PLCB4: variants seen among roughly 807,000 people sequenced by gnomAD.
The protein encoded by PLCB4 is phospholipase C beta 4.
A neutral mutation model predicts 178.8 loss-of-function variants in PLCB4; 77 were observed. The ratio of observed to expected loss-of-function variants is 0.43; its 90% CI spans 0.36 to 0.52. The LOEUF (loss-of-function observed/expected upper bound fraction) is 0.52, where lower values mean the gene tolerates loss of function less well. PLCB4 is among the 20% of genes least tolerant of loss of function. The pLI is 0.00. For synonymous variants in PLCB4, 496 were observed against 490.8 expected, an observed-to-expected ratio of 1.01 and a Z score of -0.14; for missense variants, 1,024 against 1,453.4, an observed-to-expected ratio of 0.70 and a Z score of 4.80.
chr20:9,081,277 A>G (rs1304741600), intron 1 of PLCB4, among the ~76,000 whole-genome samples: 3 of 152,232 alleles, frequency 2.0e-5, no homozygotes. Flanking sequence ...TACCTCTAAG[A>G]TACTTCAACA....
In PLCB4 at chr20:9,385,680, G is replaced by A. The variant is rs182541306; in HGVS notation, c.1064+1269G>A. On this transcript the variant is annotated intron_variant, in intron 14 of 39. Transcript: ENST00000378473. Reference sequence around the variant, plus strand: ...GATGGGGTGGTGGCCGGGCAGAGGCGCTCCTCACCTCCCAGACGGGGCAGC... The same window carrying A: ...GATGGGGTGGTGGCCGGGCAGAGGCACTCCTCACCTCCCAGACGGGGCAGC... Among the ~76,000 whole-genome samples, 373 of 143,842 alleles carry A rather than the reference G, an allele frequency of 2.6e-3. 2 individuals carry two copies. Among genetic ancestry groups the A allele is most frequent in the Middle Eastern group, 0.012 (3 of 250 alleles). 94.4% of individuals were successfully genotyped at this position (143,842 alleles called of 152,430 possible). A position where few individuals can be genotyped will look rare whatever the true frequency, so the allele number is the denominator to read the frequency against.
chr20:9,167,600 T>C (rs922953890), intron 2 of PLCB4, among the ~76,000 whole-genome samples: 2 of 152,212 alleles, frequency 1.3e-5, no homozygotes, highest in Non-Finnish European at 2.9e-5. Context: ...AATTCCTTTC[T>C]GAAATCAGAG....
At chr20:9,087,772 A>AT (rs2090500381) in intron 1 of PLCB4, among the ~76,000 whole-genome samples, 2 of 152,236 alleles carry the variant, frequency 1.3e-5, no homozygotes, top group African/African-American at 2.4e-5. Flanking sequence ...ACCCTGATGG[A>AT]TTTTTTGGAG....
intron 32 of PLCB4, among the ~76,000 whole-genome samples, chr20:9,445,755 ATGT>A (rs1257827621): frequency 2.0e-5 from 3 of 152,240 alleles, no homozygotes; most frequent in Non-Finnish European, 4.4e-5. Context: ...AGGGGCTTCA[ATGT>A]TGTTGGTTAT....
intron 3 of PLCB4, among the ~76,000 whole-genome samples, chr20:9,228,190 A>G (rs2093889922): frequency 6.6e-6 from 1 of 152,226 alleles, no homozygotes; most frequent in South Asian, 2.1e-4. Context: ...TGATTTATGC[A>G]TATGTTTGCC....
rs768599791 is a variant in PLCB4 at position 9,423,904 on chromosome 20, A to G, written c.2476A>G (p.Ile826Val). Reference protein sequence around the residue: ...EGNKPLSLPTIFCNIVLKTYV... With the variant: ...EGNKPLSLPTVFCNIVLKTYV... ...AAATAAACCATTATCACTACCAACA[A>G]TTTTCTGCAATATTGTTCTTAAAAC... Residue 826 changes from isoleucine (I) to valine (V), a missense_variant, in exon 28 of 40, where the codon ATT becomes GTT. Around this residue, in one of 7 missense-constraint regions of PLCB4, gnomAD observed 227 missense variants for 374.3 expected, o/e 0.61. Transcript: ENST00000378473. 2.5e-6 allele frequency: 4 copies of G among 1,613,410 alleles called. No homozygotes were observed. Among genetic ancestry groups the G allele is most frequent in the Non-Finnish European group, 3.4e-6 (4 of 1,179,430 alleles).
intron 4 of PLCB4, among the ~76,000 whole-genome samples, chr20:9,332,301 G>C (rs549338743): frequency 7.2e-5 from 11 of 152,284 alleles, no homozygotes; most frequent in Non-Finnish European, 1.5e-4. Context: ...TTCAGGTCAG[G>C]AGGGATTCAT....
chr20:9,150,601 C>T lies in PLCB4; in HGVS notation c.-79+54259C>T, dbSNP rs150667002. Among the ~76,000 whole-genome samples, 920 of 152,206 alleles carry T rather than the reference C, an allele frequency of 6.0e-3. 9 individuals are homozygous for T. Among genetic ancestry groups the T allele is most frequent in the African/African-American group, 0.021 (883 of 41,538 alleles). On this transcript the variant is annotated intron_variant, in intron 2 of 39. Coordinates refer to ENST00000378473, the MANE Select transcript of PLCB4 (RefSeq NM_001377142.1). ...TGTAGCCATGGTGCTAAACATGCAT[C>T]GTCTCGTCAGTTCTCAGGATGACTC...
At chr20:9,297,157 ACCC>A (rs140669435) in intron 3 of PLCB4, among the ~76,000 whole-genome samples, 1 of 149,602 alleles carries the variant, frequency 6.7e-6, no homozygotes, top group Non-Finnish European at 1.5e-5. Flanking sequence ...TATAGCCCGC[ACCC>A]CCCCCCACAC....
At chr20:9,193,810 G>C (rs766417452) in intron 2 of PLCB4, among the ~76,000 whole-genome samples, 2 of 152,144 alleles carry the variant, frequency 1.3e-5, no homozygotes, top group African/African-American at 2.4e-5. Context: ...AACTTTCAGA[G>C]AGTATTTGGC....
intron 7 of PLCB4, among the ~76,000 whole-genome samples, chr20:9,349,882 A>G (rs1261991691): frequency 6.6e-6 from 1 of 152,226 alleles, no homozygotes; most frequent in Non-Finnish European, 1.5e-5. Flanking sequence ...AACATAATGT[A>G]TGCTGACATG....
chr20:9,240,680 C>T (rs1420253292), intron 3 of PLCB4, among the ~76,000 whole-genome samples: 1 of 152,190 alleles, frequency 6.6e-6, no homozygotes, highest in Admixed American at 6.5e-5. Flanking sequence ...TCTGATTGCA[C>T]ATTTGTCCTT....
chr20:9,208,062 AATGC>A (rs2147225054), intron 2 of PLCB4, among the ~76,000 whole-genome samples: 1 of 152,340 alleles, frequency 6.6e-6, no homozygotes, highest in East Asian at 1.9e-4. Flanking sequence ...GTCTGAGTGC[AATGC>A]ATGTGTGCTT....
At chr20:9,129,397 C>G (rs968787152) in intron 2 of PLCB4, among the ~76,000 whole-genome samples, 4 of 152,076 alleles carry the variant, frequency 2.6e-5, no homozygotes, top group African/African-American at 9.7e-5. Context: ...GGGATCAGAC[C>G]GCAGTTACCC....
intron 30 of PLCB4, among the ~76,000 whole-genome samples, chr20:9,437,360 T>C (rs2041840170): frequency 6.6e-6 from 1 of 152,212 alleles, no homozygotes; most frequent in Non-Finnish European, 1.5e-5. Flanking sequence ...TGAACCAACA[T>C]AGTTATTCCT....
intron 2 of PLCB4, among the ~76,000 whole-genome samples, chr20:9,141,223 C>A (rs1438075275): frequency 6.6e-5 from 10 of 152,148 alleles, no homozygotes; most frequent in African/African-American, 2.4e-4. Flanking sequence ...GCCAGAACTA[C>A]TCATTCCATT....
intron 39 of PLCB4, among the ~76,000 whole-genome samples, chr20:9,477,397 T>C (rs6077545): frequency 0.1 from 15,694 of 152,198 alleles, 1,025 homozygotes; most frequent in East Asian, 0.3. Context: ...CCAACTCATA[T>C]AAGAACTTAG....
At chr20:9,455,116 A>G (rs1481814934) in intron 33 of PLCB4, among the ~76,000 whole-genome samples, 2 of 152,196 alleles carry the variant, frequency 1.3e-5, no homozygotes, top group Non-Finnish European at 2.9e-5. Flanking sequence ...TTAATTTCTC[A>G]TATTTAATGA....
At position 9,156,629 on chromosome 20, in the gene PLCB4, C is replaced by T. The variant is rs188765803; in HGVS notation, c.-79+60287C>T. Among the ~76,000 whole-genome samples the T allele has an allele frequency of 2.0e-5, 3 of 152,206 alleles. No individual in the cohort carries two copies. The East Asian group carries it at 5.8e-4, about 29-fold the overall frequency. ...CTTAGGTTTTAGAAATTAACTTAGA[C>T]TCTTAGTACATAGGTTGCTGTGGCA... On this transcript the variant is annotated intron_variant, in intron 2 of 39. Transcript: ENST00000378473.
Sources: gnomAD v4.1 joint callset for allele counts (sites outside exome capture counted in the v4.1 genomes callset) on GRCh38, gnomAD v4.1.1 for gene constraint, gnomAD v4.1.1 regional missense constraint, MANE v1.5 for transcripts, NCBI Gene and HGNC (gene_info 2026-07-23, HGNC 2026-07-21) for gene names.